Variants in BNC2 observed in about 807,000 individuals in gnomAD.
The protein encoded by BNC2 is zinc finger protein basonuclin-2.
BNC2 carries 20 observed loss-of-function variants against 76.3 expected under a neutral mutation model. The observed-to-expected ratio is 0.26, with a 90% CI of 0.18 to 0.38. The LOEUF is 0.38. BNC2 is among the 10% of genes least tolerant of loss of function. The pLI is 1.00. For missense variants in BNC2, 1,382 were observed against 1,399.8 expected (o/e 0.99, Z 0.20); for synonymous variants, 582 against 514.8 (o/e 1.13, Z -1.77).
At chr9:16,800,404 C>T (rs1368437264) in intron 1 of BNC2, among the ~76,000 whole-genome samples, 4 of 152,068 alleles carry the variant, frequency 2.6e-5, no homozygotes, top group Non-Finnish European at 5.9e-5. Flanking sequence ...TCTGTCCTCT[C>T]TAATTTGAAA....
At chr9:16,540,904 T>A (rs1303148016) in intron 5 of BNC2, among the ~76,000 whole-genome samples, 1 of 152,100 alleles carries the variant, frequency 6.6e-6, no homozygotes, top group Non-Finnish European at 1.5e-5. Context: ...CTAAATCAGG[T>A]GATGCTACAA....
At chr9:16,690,878 G>A (rs1824676624) in intron 3 of BNC2, among the ~76,000 whole-genome samples, 1 of 152,130 alleles carries the variant, frequency 6.6e-6, no homozygotes, top group Non-Finnish European at 1.5e-5. Flanking sequence ...GGTGGAGCAG[G>A]CACAATGTCC....
intron 1 of BNC2, among the ~76,000 whole-genome samples, chr9:16,809,403 C>T (rs1315519664): frequency 6.6e-6 from 1 of 151,998 alleles, no homozygotes; most frequent in Non-Finnish European, 1.5e-5. Context: ...CCAATAACTT[C>T]AGTGTTAGGA....
At chr9:16,547,582 A>T (rs774263266) in intron 5 of BNC2, among the ~76,000 whole-genome samples, 7 of 152,216 alleles carry the variant, frequency 4.6e-5, no homozygotes, top group Non-Finnish European at 8.8e-5. Flanking sequence ...TGAAGGAAAC[A>T]GAGTCCTAAG....
intron 5 of BNC2, among the ~76,000 whole-genome samples, chr9:16,498,208 T>C (rs1474318253): frequency 9.7e-6 from 1 of 103,398 alleles, no homozygotes; most frequent in Non-Finnish European, 2.1e-5. Flanking sequence ...TATTCCATCA[T>C]ATATATATTC....
At chr9:16,612,394 C>A (rs1324272947) in intron 3 of BNC2, among the ~76,000 whole-genome samples, 1 of 152,116 alleles carries the variant, frequency 6.6e-6, no homozygotes, top group South Asian at 2.1e-4. Context: ...CTTTCTCATA[C>A]CAAACTTAGA....
rs140585679 is a variant in BNC2 at position 16,711,038 on chromosome 9, C to T, written c.330+16759G>A. 5.9e-3 allele frequency among the ~76,000 whole-genome samples: 897 copies of T among 152,182 alleles called. 5 individuals carry two copies. The highest frequency in any genetic ancestry group is 8.9e-3 in the Admixed American group (136 of 15,286). The stretch of plus-strand genomic sequence containing the variant: ...TTGGCCATCACTGCTGTCCCTCGCT[C>T]CCTCTAATGAGAGCAGATGAATTAG... On this transcript the variant is annotated intron_variant, in intron 3 of 6. Coordinates refer to ENST00000380672, the MANE Select transcript of BNC2 (RefSeq NM_017637.6).
At chr9:16,860,078 C>T (rs1301705048) in intron 1 of BNC2, among the ~76,000 whole-genome samples, 1 of 151,622 alleles carries the variant, frequency 6.6e-6, no homozygotes, top group Non-Finnish European at 1.5e-5. Flanking sequence ...GCCGAGATCA[C>T]ACCACTGCAC....
At chr9:16,797,715 G>C (rs1207342480) in intron 1 of BNC2, among the ~76,000 whole-genome samples, 2 of 152,014 alleles carry the variant, frequency 1.3e-5, no homozygotes, top group African/African-American at 4.8e-5. Context: ...AAAGAAACTG[G>C]GGTTTCTTGC....
chr9:16,861,642 G>A (rs1004413902), intron 1 of BNC2, among the ~76,000 whole-genome samples: 4 of 152,092 alleles, frequency 2.6e-5, no homozygotes, highest in Admixed American at 6.6e-5. Flanking sequence ...TCACTAGTAT[G>A]ATTCAAATAA....
chr9:16,491,164 T>C (rs1256379001), intron 5 of BNC2, among the ~76,000 whole-genome samples: 1 of 152,102 alleles, frequency 6.6e-6, no homozygotes, highest in Non-Finnish European at 1.5e-5. Context: ...GACAAATATT[T>C]TTACATTACA....
intron 3 of BNC2, among the ~76,000 whole-genome samples, chr9:16,672,088 G>A (rs1211136507): frequency 1.3e-5 from 2 of 152,210 alleles, no homozygotes; most frequent in African/African-American, 4.8e-5. Flanking sequence ...AAGGGGTGTT[G>A]CTATGGCATC....
Position 16,416,475 on chromosome 9 carries a change from T to C in BNC2, c.*2514A>G, listed in dbSNP as rs907583732. 1 of 152,582 alleles carries C rather than the reference T, an allele frequency of 6.6e-6. No individual in the cohort carries two copies. Among genetic ancestry groups the C allele is most frequent in the Non-Finnish European group, 1.5e-5 (1 of 68,028 alleles). The allele number at this position is 152,582 out of a possible 1,614,324, so 9.5% of individuals were successfully genotyped here. A position where few individuals can be genotyped will look rare whatever the true frequency, so the allele number is the denominator to read the frequency against. On this transcript the variant is annotated 3_prime_UTR_variant, in exon 7 of 7. Transcript: ENST00000380672. ...ATACTGTACAGAGTCTTATATGGTA[T>C]AAAACAAAGGAAAACATCTGTCTGT...
At chr9:16,787,083 G>A (rs1320883383) in intron 1 of BNC2, among the ~76,000 whole-genome samples, 1 of 152,166 alleles carries the variant, frequency 6.6e-6, no homozygotes, top group Non-Finnish European at 1.5e-5. Flanking sequence ...AGAGAGCTGA[G>A]GCCAAAGTAA....
At chr9:16,788,717 T>G (rs1020965550) in intron 1 of BNC2, among the ~76,000 whole-genome samples, 2 of 151,988 alleles carry the variant, frequency 1.3e-5, no homozygotes, top group Admixed American at 6.6e-5. Context: ...CCTAGCAAAT[T>G]TGATCCTGGC....
chr9:16,660,001 C>T (rs116803758), intron 3 of BNC2, among the ~76,000 whole-genome samples: 323 of 152,318 alleles, frequency 2.1e-3, no homozygotes, highest in Middle Eastern at 6.8e-3. Context: ...CTGTATTCAG[C>T]CAAATTATTC....
intron 3 of BNC2, among the ~76,000 whole-genome samples, chr9:16,722,506 C>T (rs1195125349): frequency 1.3e-5 from 2 of 152,162 alleles, no homozygotes; most frequent in African/African-American, 4.8e-5. Context: ...AAGATATCTG[C>T]ACCTTAGAGG....
At chr9:16,672,459 T>C (rs1822507918) in intron 3 of BNC2, among the ~76,000 whole-genome samples, 2 of 152,048 alleles carry the variant, frequency 1.3e-5, no homozygotes, top group Admixed American at 1.3e-4. Context: ...ATCGTGCCAC[T>C]GCACTCCAGC....
At chr9:16,628,991 T>C (rs1053857604) in intron 3 of BNC2, among the ~76,000 whole-genome samples, 15 of 152,176 alleles carry the variant, frequency 9.9e-5, no homozygotes, top group African/African-American at 3.6e-4. Context: ...CTAAGTACCA[T>C]CTCAGGCTTG....
Sources: gnomAD v4.1 joint callset for allele counts (sites outside exome capture counted in the v4.1 genomes callset) on GRCh38, gnomAD v4.1.1 for gene constraint, MANE v1.5 for transcripts, NCBI Gene and HGNC (gene_info 2026-07-23, HGNC 2026-07-21) for gene names.